SVOPL: variants seen among roughly 807,000 people sequenced by gnomAD.
The protein encoded by SVOPL is SVOP like, also known as putative transporter SVOPL.
A neutral mutation model predicts 61.0 loss-of-function variants in SVOPL; 60 were observed. That is an observed-to-expected ratio of 0.98 (90% confidence interval 0.80 to 1.22). SVOPL has a LOEUF of 1.22. Ranked by LOEUF, SVOPL falls within the 50% of genes most tolerant of loss-of-function variation. The pLI is 0.00. For synonymous variants in SVOPL, 279 were observed against 250.0 expected (o/e 1.12, Z -1.09); for missense variants, 662 against 643.9 (o/e 1.03, Z -0.30).
Position 138,656,479 on chromosome 7 carries a change from T to C in SVOPL, c.503A>G (p.Lys168Arg), listed in dbSNP as rs1195585666. ...CAAGGGTAACATATAGCCTCGGTAT[T>C]TCGTGGGCAAAAATTCAGTCTTTAT... ...LIIKTEFLPTKYRGYMLPLSQ... is the reference protein window; with the variant it reads ...LIIKTEFLPTRYRGYMLPLSQ... The change falls in exon 7 of 16, where the codon AAA becomes AGA. Residue 168 changes from lysine to arginine, a missense_variant. Transcript: ENST00000674285. 1.9e-6 allele frequency: 3 copies of C among 1,614,094 alleles called. No individual in the cohort carries two copies. Among genetic ancestry groups the C allele is most frequent in the Non-Finnish European group, 2.5e-6 (3 of 1,180,004 alleles).
At chr7:138,662,777 C>T in intron 5 of SVOPL, 2 of 1,186,220 alleles carry the variant, frequency 1.7e-6, no homozygotes, top group East Asian at 4.5e-5. Context: ...TCAAATAGAG[C>T]CACTTAGCGG....
At chr7:138,684,112 C>A (rs1017256450) in intron 1 of SVOPL, among the ~76,000 whole-genome samples, 1 of 151,704 alleles carries the variant, frequency 6.6e-6, no homozygotes, top group Non-Finnish European at 1.5e-5. Context: ...CGTCTATAAT[C>A]CCAGCACTTT....
intron 4 of SVOPL, among the ~76,000 whole-genome samples, chr7:138,665,478 A>C (rs979656763): frequency 6.6e-6 from 1 of 152,024 alleles, no homozygotes; most frequent in Non-Finnish European, 1.5e-5. Context: ...TCAGCTGCTT[A>C]GAGAGAAGTC....
intron 14 of SVOPL, among the ~76,000 whole-genome samples, chr7:138,617,886 G>A (rs144383092): frequency 4.6e-4 from 70 of 152,224 alleles, no homozygotes; most frequent in African/African-American, 1.3e-3. Context: ...CTACACAATC[G>A]GCATCTGTGA....
chr7:138,678,775 T>C (rs923870400), intron 2 of SVOPL, among the ~76,000 whole-genome samples, 189 bp downstream of exon 2: 6 of 152,210 alleles, frequency 3.9e-5, no homozygotes, highest in African/African-American at 1.4e-4. Context: ...TTCACCATGT[T>C]GGCCAGGCAG....
At chr7:138,670,278 G>T (rs1319181696) in intron 4 of SVOPL, among the ~76,000 whole-genome samples, 1 of 152,106 alleles carries the variant, frequency 6.6e-6, no homozygotes, top group Non-Finnish European at 1.5e-5. Context: ...AGGCCACCAG[G>T]TAGGATTATG....
At chr7:138,655,391 G>A (rs1291390024) in intron 7 of SVOPL, among the ~76,000 whole-genome samples, 1 of 152,078 alleles carries the variant, frequency 6.6e-6, no homozygotes, top group Non-Finnish European at 1.5e-5. Flanking sequence ...TGTAATTCCA[G>A]CTACTTGGGA....
chr7:138,614,592 C>T (rs536034894), intron 14 of SVOPL, among the ~76,000 whole-genome samples: 168 of 152,058 alleles, frequency 1.1e-3, no homozygotes, highest in African/African-American at 3.6e-3. Flanking sequence ...GATGGGGTTT[C>T]ACCATATTGG....
chr7:138,620,444 C>CAAAAA (rs3080386), intron 14 of SVOPL, among the ~76,000 whole-genome samples: 14 of 87,276 alleles, frequency 1.6e-4, no homozygotes, highest in African/African-American at 4.7e-4. Flanking sequence ...TCTTTGCAGC[C>CAAAAA]AAAAAAAAAA....
At chr7:138,655,789 C>T (rs1801701196) in intron 7 of SVOPL, among the ~76,000 whole-genome samples, 1 of 151,386 alleles carries the variant, frequency 6.6e-6, no homozygotes, top group African/African-American at 2.4e-5. Context: ...TATGGATAAG[C>T]AACAAAAGTG....
chr7:138,675,181 G>T (rs1426467224), intron 3 of SVOPL, among the ~76,000 whole-genome samples: 1 of 151,596 alleles, frequency 6.6e-6, no homozygotes, highest in Non-Finnish European at 1.5e-5. Context: ...TGGGAGGATT[G>T]CTTGAGCTGA....
chr7:138,612,664 T>C (rs1422547354), intron 14 of SVOPL, among the ~76,000 whole-genome samples: 2 of 151,962 alleles, frequency 1.3e-5, no homozygotes, highest in Non-Finnish European at 2.9e-5. Flanking sequence ...TACAGGTGCC[T>C]GCCACCATGC....
At chr7:138,596,854 A>G (rs537315796) in intron 14 of SVOPL, 1 of 1,100,416 alleles carries the variant, frequency 9.1e-7, no homozygotes, top group Non-Finnish European at 1.1e-6. Context: ...CCCCTTTCTC[A>G]TACCATTTCA....
Position 138,678,438 on chromosome 7 carries a change from G to A in SVOPL, c.170C>T (p.Thr57Ile). ...ACATCTCGAAGGAGCACTCACCCCA[G>A]TACTGCCCATGATCAGAAAGAGGGC... ...HIALFLIMGS[T>I]GVVEAMEIML... The change falls in exon 3 of 16, where the codon ACT (threonine) becomes ATT (isoleucine). Residue 57 changes from threonine (T) to isoleucine (I), a missense_variant. By Grantham distance (89) the Thr-to-Ile change is moderately conservative (BLOSUM62 -1). Transcript: ENST00000674285. 1.3e-6 allele frequency: 2 copies of A among 1,551,788 alleles called. No individual in the cohort carries two copies. Among genetic ancestry groups the A allele is most frequent in the South Asian group, 1.2e-5 (1 of 84,052 alleles).
intron 14 of SVOPL, among the ~76,000 whole-genome samples, chr7:138,601,403 A>G (rs907726793): frequency 6.6e-6 from 1 of 152,316 alleles, no homozygotes; most frequent in Middle Eastern, 3.4e-3. Context: ...TGATATATAC[A>G]TACAATGAAA....
chr7:138,626,791 A>T (rs1051389554), intron 12 of SVOPL, among the ~76,000 whole-genome samples: 6 of 151,864 alleles, frequency 4.0e-5, no homozygotes, highest in South Asian at 2.1e-4. Flanking sequence ...GGCTGCAGTG[A>T]GCTGAGATCG....
chr7:138,623,697 T>C (rs889040844), intron 13 of SVOPL, among the ~76,000 whole-genome samples: 4 of 152,366 alleles, frequency 2.6e-5, no homozygotes, highest in Middle Eastern at 3.4e-3. Context: ...AATGCAGTTC[T>C]AGAAGTACAC....
chr7:138,647,219 C>T (rs1163233960), intron 8 of SVOPL, among the ~76,000 whole-genome samples: 1 of 151,554 alleles, frequency 6.6e-6, no homozygotes, highest in South Asian at 2.1e-4. Context: ...ACTAAAAATA[C>T]AAAAATTAGC....
intron 8 of SVOPL, 81 bp from the exon 9 acceptor site, chr7:138,644,926 C>T: frequency 6.5e-7 from 1 of 1,550,246 alleles, no homozygotes; most frequent in Non-Finnish European, 8.8e-7. Flanking sequence ...CTATACACTA[C>T]AGTCCTAGTT....
Sources: allele counts gnomAD v4.1 joint callset (sites outside exome capture counted in the v4.1 genomes callset), GRCh38; gene constraint gnomAD v4.1.1; transcripts MANE v1.5; gene names NCBI Gene and HGNC (gene_info 2026-07-23, HGNC 2026-07-21).